POLE2: variants seen among roughly 807,000 people sequenced by gnomAD.
POLE2 encodes the protein DNA polymerase epsilon 2, accessory subunit, also known as DNA polymerase epsilon subunit 2.
A neutral mutation model predicts 79.4 loss-of-function variants in POLE2; 56 were observed. That is an observed-to-expected ratio of 0.71 (90% confidence interval 0.57 to 0.88). POLE2 has a LOEUF of 0.88. Among genes scored for constraint, POLE2 ranks in the 40% least tolerant of loss-of-function variants. The pLI, the probability that POLE2 is intolerant of heterozygous loss-of-function variation, is 0.00. For missense variants in POLE2, 598 were observed against 638.9 expected, an observed-to-expected ratio of 0.94 and a Z score of 0.69; for synonymous variants, 212 against 214.0, an observed-to-expected ratio of 0.99 and a Z score of 0.08.
chr14:49,662,156 T>C (rs1021235840), intron 10 of POLE2, among the ~76,000 whole-genome samples: 4 of 152,200 alleles, frequency 2.6e-5, no homozygotes, highest in Non-Finnish European at 4.4e-5. Context: ...GGGCTTGTGT[T>C]CTCCTTAGCA....
At position 49,687,987 on chromosome 14, in the gene POLE2, C is replaced by G. The variant is rs1163602263; in HGVS notation, c.68+149G>C. 2.0e-5 allele frequency: 13 copies of G among 647,294 alleles called. No individual in the cohort carries two copies. In the East Asian group the frequency reaches 4.2e-4, roughly 21 times the overall value. The allele number at this position is 647,294 out of a possible 1,614,324, so 40.1% of individuals were successfully genotyped here. Reference sequence around the variant, plus strand: ...TGCTGGGATTACAAGCGTGAGCCACCGCGCCCGACCGCTTCTTAGAACTCT... The same window carrying G: ...TGCTGGGATTACAAGCGTGAGCCACGGCGCCCGACCGCTTCTTAGAACTCT... On this transcript the variant is annotated intron_variant, in intron 1 of 18. Coordinates refer to ENST00000216367, the MANE Select transcript of POLE2 (RefSeq NM_002692.4).
At chr14:49,682,097 C>T (rs535652645) in intron 2 of POLE2, among the ~76,000 whole-genome samples, 1 of 150,698 alleles carries the variant, frequency 6.6e-6, no homozygotes, top group East Asian at 2.0e-4. Flanking sequence ...CTCTGCCTCC[C>T]GGGTTCAAGC....
chr14:49,657,147 T>C (rs1594573332), intron 10 of POLE2, among the ~76,000 whole-genome samples: 1 of 151,944 alleles, frequency 6.6e-6, no homozygotes, highest in East Asian at 1.9e-4. Flanking sequence ...CAGCCAATTG[T>C]AATTGGGCGA....
chr14:49,658,945 C>G (rs920694031), intron 10 of POLE2, among the ~76,000 whole-genome samples: 2 of 151,882 alleles, frequency 1.3e-5, no homozygotes, highest in Non-Finnish European at 2.9e-5. Flanking sequence ...TCAGGAGGTC[C>G]TTCAAGAAGA....
chr14:49,687,041 T>A (rs1887186296), intron 1 of POLE2, among the ~76,000 whole-genome samples: 1 of 152,074 alleles, frequency 6.6e-6, no homozygotes, highest in Non-Finnish European at 1.5e-5. Flanking sequence ...TCCAGCATTC[T>A]GGGAGGCCAC....
At chr14:49,664,580 T>G in intron 9 of POLE2, 46 bp downstream of exon 9, 1 of 1,193,194 alleles carries the variant, frequency 8.4e-7, no homozygotes, top group South Asian at 1.3e-5. Flanking sequence ...CAGAAAGTTT[T>G]ACTGGAGAAT....
chr14:49,664,961 T>G, intron 8 of POLE2, 146 bp downstream of exon 8: 1 of 643,168 alleles, frequency 1.6e-6, no homozygotes, highest in East Asian at 2.8e-5. Context: ...CTGTCCCTGT[T>G]TAGGATTATA....
intron 5 of POLE2, among the ~76,000 whole-genome samples, chr14:49,673,882 T>C (rs1886065613): frequency 6.6e-6 from 1 of 152,224 alleles, no homozygotes. Context: ...GCATATCATG[T>C]ATTAAATAGT....
intron 1 of POLE2, among the ~76,000 whole-genome samples, chr14:49,685,139 C>T (rs1277176853): frequency 2.6e-5 from 4 of 152,048 alleles, no homozygotes; most frequent in Admixed American, 2.6e-4. Flanking sequence ...CAATATTAAA[C>T]AATTAGCTAA....
intron 15 of POLE2, among the ~76,000 whole-genome samples, chr14:49,651,686 T>C (rs777008046): frequency 3.9e-5 from 6 of 152,060 alleles, no homozygotes; most frequent in Non-Finnish European, 7.4e-5. Context: ...TTTAAGATAA[T>C]TAAGCATAAG....
intron 7 of POLE2, 131 bp from the exon 8 acceptor site, chr14:49,665,294 T>A (rs1345198619): frequency 2.0e-5 from 12 of 594,312 alleles, no homozygotes; most frequent in Non-Finnish European, 3.3e-5. Context: ...CTATTATTTC[T>A]AGTCCAGGCT....
chr14:49,647,395 CAG>C, intron 17 of POLE2, 35 bp from the exon 18 acceptor site: 1 of 1,029,012 alleles, frequency 9.7e-7, no homozygotes, highest in Non-Finnish European at 1.4e-6. Flanking sequence ...AGTGAATGCT[CAG>C]ACTTTTTTTT....
At chr14:49,670,376 G>A (rs1222640000) in intron 5 of POLE2, among the ~76,000 whole-genome samples, 2 of 142,024 alleles carry the variant, frequency 1.4e-5, no homozygotes, top group African/African-American at 2.6e-5. Context: ...ATAAGAGTTA[G>A]AGTATTTAGG....
chr14:49,678,002 T>A (rs11852050), intron 3 of POLE2: 4,575 of 153,736 alleles, frequency 0.03, 134 homozygotes, highest in African/African-American at 0.093. Flanking sequence ...TTATTTATTT[T>A]ATTTTTTTTT....
chr14:49,682,640 G>GGAAAAAAAAAAAAAAAAAAAA (rs1373991966), intron 2 of POLE2, among the ~76,000 whole-genome samples: 2 of 60,974 alleles, frequency 3.3e-5, no homozygotes, highest in African/African-American at 1.1e-4. Context: ...CCTTCTCAGG[G>GGAAAAAAAAAAAAAAAAAAAA]AAAAAAAAAA....
intron 2 of POLE2, among the ~76,000 whole-genome samples, chr14:49,683,140 G>A (rs557342980): frequency 3.3e-5 from 5 of 152,120 alleles, no homozygotes; most frequent in Non-Finnish European, 7.4e-5. Context: ...GGTGGCTCCC[G>A]CCTGTAATCC....
chr14:49,677,845 G>A (rs1027081073), intron 3 of POLE2: 2 of 453,088 alleles, frequency 4.4e-6, no homozygotes, highest in Non-Finnish European at 7.7e-6. Context: ...TCAGTCAGCT[G>A]GAGGTACTGC....
intron 11 of POLE2, 88 bp from the exon 12 acceptor site, chr14:49,655,182 A>T (rs988206902): frequency 2.4e-6 from 1 of 409,218 alleles, no homozygotes; most frequent in Admixed American, 4.5e-5. Flanking sequence ...TAATAATAAA[A>T]ATTTATTTTA....
At chr14:49,655,302 T>A (rs938138770) in intron 11 of POLE2, among the ~76,000 whole-genome samples, 1 of 152,100 alleles carries the variant, frequency 6.6e-6, no homozygotes, top group Non-Finnish European at 1.5e-5. Context: ...CCTCAGAACA[T>A]CCATAAAATC....
Sources: gnomAD v4.1 joint callset for allele counts (sites outside exome capture counted in the v4.1 genomes callset) on GRCh38, gnomAD v4.1.1 for gene constraint, MANE v1.5 for transcripts, NCBI Gene and HGNC (gene_info 2026-07-23, HGNC 2026-07-21) for gene names.